Variants in CACUL1 observed in about 807,000 individuals in gnomAD.
CACUL1 encodes CDK2-associated and cullin domain-containing protein 1.
CACUL1 carries 13 observed loss-of-function variants against 45.2 expected under a neutral mutation model. The observed-to-expected ratio is 0.29, with a 90% confidence interval of 0.19 to 0.46. CACUL1 has a LOEUF of 0.46. Among genes scored for constraint, CACUL1 ranks in the 20% least tolerant of loss-of-function variants. The probability of loss-of-function intolerance (pLI) is 1.00; values close to 1 mark genes in which losing one functional copy is unlikely to be tolerated. For synonymous variants in CACUL1, 197 were observed against 174.2 expected (o/e 1.13, Z -1.03); for missense variants, 421 against 471.4 (o/e 0.89, Z 0.99).
At chr10:118,696,615 C>G (rs991735844) in intron 5 of CACUL1, among the ~76,000 whole-genome samples, 2 of 152,188 alleles carry the variant, frequency 1.3e-5, no homozygotes, top group African/African-American at 4.8e-5. Flanking sequence ...TGCACTCCAG[C>G]TTGGGTAACA....
intron 3 of CACUL1, among the ~76,000 whole-genome samples, chr10:118,716,176 A>T (rs1845542409): frequency 6.6e-6 from 1 of 151,810 alleles, no homozygotes; most frequent in Non-Finnish European, 1.5e-5. Context: ...AGCTTGCAGT[A>T]AGCCAAGATT....
In CACUL1 at chr10:118,678,383, C is replaced by CT. The variant is rs1411693003; in HGVS notation, c.*7744dup. ...CCAAAGTCATTGTTTTAATCACTACCTTTGGCAGTAAGTGTTAGAATCTTG... is the reference window on the plus strand; with the variant it reads ...CCAAAGTCATTGTTTTAATCACTACCTTTTGGCAGTAAGTGTTAGAATCTTG... On this transcript the variant is annotated 3_prime_UTR_variant, in exon 9 of 9. Transcript: ENST00000369151. 1 of 152,166 alleles carries CT rather than the reference C, an allele frequency of 6.6e-6. No homozygotes were observed. The allele number at this position is 152,166 out of a possible 1,614,324, so 9.4% of individuals were successfully genotyped here. A position where few individuals can be genotyped will look rare whatever the true frequency, so the allele number is the denominator to read the frequency against.
At chr10:118,722,511 CACACTGTTG>C (rs1176984302) in intron 3 of CACUL1, among the ~76,000 whole-genome samples, 4 of 152,168 alleles carry the variant, frequency 2.6e-5, no homozygotes, top group Admixed American at 6.5e-5. Flanking sequence ...CCAGCATATG[CACACTGTTG>C]ACACTATCCA....
Position 118,684,610 on chromosome 10 carries a change from T to C in CACUL1, c.*1518A>G, listed in dbSNP as rs1165058447. On this transcript the variant is annotated 3_prime_UTR_variant, in exon 9 of 9. Coordinates refer to ENST00000369151, the MANE Select transcript of CACUL1 (RefSeq NM_153810.5). ...ATCTTTACTTCTCTGTATAACAGTT[T>C]TACAAATCAAGGACTTCAATTATTG... is the stretch of plus-strand genomic sequence containing the variant. 2.0e-5 allele frequency: 3 copies of C among 152,214 alleles called. No individual in the cohort carries two copies. Among genetic ancestry groups the C allele is most frequent in the African/African-American group, 7.2e-5 (3 of 41,456 alleles). The allele number at this position is 152,214 out of a possible 1,614,324, so 9.4% of individuals were successfully genotyped here. A position where few individuals can be genotyped will look rare whatever the true frequency, so the allele number is the denominator to read the frequency against.
chr10:118,725,048 C>CA (rs1845639129), intron 3 of CACUL1, among the ~76,000 whole-genome samples: 1 of 152,082 alleles, frequency 6.6e-6, no homozygotes, highest in Admixed American at 6.5e-5. Context: ...ATTGGTAAAC[C>CA]AATTTACTCT....
chr10:118,700,806 C>T (rs1408028728), intron 5 of CACUL1, among the ~76,000 whole-genome samples: 1 of 151,150 alleles, frequency 6.6e-6, no homozygotes, highest in East Asian at 1.9e-4. Context: ...AAATATTTTA[C>T]AAATCCTAAT....
At chr10:118,742,493 A>G (rs1466630072) in intron 1 of CACUL1, among the ~76,000 whole-genome samples, 1 of 152,198 alleles carries the variant, frequency 6.6e-6, no homozygotes, top group Non-Finnish European at 1.5e-5. Flanking sequence ...AACATTTTAT[A>G]TGATGCAGGT....
At chr10:118,687,906 T>C (rs992453580) in intron 7 of CACUL1, among the ~76,000 whole-genome samples, 3 of 152,262 alleles carry the variant, frequency 2.0e-5, no homozygotes, top group African/African-American at 7.2e-5. Context: ...GAACTTGGCC[T>C]GTGTTGTTCA....
intron 6 of CACUL1, chr10:118,693,139 C>A (rs1310991876): frequency 6.6e-6 from 1 of 152,204 alleles, no homozygotes; most frequent in African/African-American, 2.4e-5. Context: ...AATGGTAAGT[C>A]ATGAGAATCT....
intron 1 of CACUL1, among the ~76,000 whole-genome samples, chr10:118,741,269 A>G (rs1048826163): frequency 4.6e-5 from 7 of 152,216 alleles, no homozygotes; most frequent in African/African-American, 1.7e-4. Flanking sequence ...TTAAGTACGA[A>G]GAGTTTGGCG....
At chr10:118,708,147 CA>C (rs34008762) in intron 3 of CACUL1, among the ~76,000 whole-genome samples, 5,165 of 103,900 alleles carry the variant, frequency 0.05, 100 homozygotes, top group African/African-American at 0.084. Flanking sequence ...AACACTGTCT[CA>C]AAAAAAAAAA....
Position 118,676,486 on chromosome 10 carries a change from A to G in CACUL1, c.*9642T>C, listed in dbSNP as rs1034579996. 3 of 152,252 alleles carry G rather than the reference A, an allele frequency of 2.0e-5. No individual in the cohort carries two copies. The highest frequency in any genetic ancestry group is 7.2e-5 in the African/African-American group (3 of 41,472). 9.4% of individuals were successfully genotyped at this position (152,252 alleles called of 1,614,324 possible). Reference sequence around the variant, plus strand: ...TTGCAAAATTGGTGGATGGAACTCAAAAATATTTTCAGTAAGCACAGCCAT... The same window carrying G: ...TTGCAAAATTGGTGGATGGAACTCAGAAATATTTTCAGTAAGCACAGCCAT... On this transcript the variant is annotated 3_prime_UTR_variant, in exon 9 of 9. Coordinates refer to ENST00000369151, the MANE Select transcript of CACUL1 (RefSeq NM_153810.5).
chr10:118,723,974 C>T (rs1845626652), intron 3 of CACUL1, among the ~76,000 whole-genome samples: 1 of 152,086 alleles, frequency 6.6e-6, no homozygotes, highest in South Asian at 2.1e-4. Flanking sequence ...ACCATCTTGG[C>T]CAGGCTGGTC....
chr10:118,712,572 A>G (rs528790575), intron 3 of CACUL1, among the ~76,000 whole-genome samples: 1 of 152,332 alleles, frequency 6.6e-6, no homozygotes, highest in East Asian at 1.9e-4. Context: ...AGCAAGACAA[A>G]GAGGAGCTTC....
intron 5 of CACUL1, 57 bp from the exon 6 acceptor site, chr10:118,695,287 T>C (rs973092635): frequency 1.9e-5 from 18 of 954,304 alleles, no homozygotes; most frequent in East Asian, 4.8e-5. Flanking sequence ...TCAAGATTTC[T>C]CTATTACTGT....
rs565262320 is a variant in CACUL1, at chr10:118,691,488, T to C, written c.887-85A>G. The stretch of plus-strand genomic sequence containing the variant: ...AAAGGGAAAGTTTTCTTTTAAAATA[T>C]ATAGTAAGCCAAATTTAAGCAGGGG... On this transcript the variant is annotated intron_variant, in intron 6 of 8. Coordinates refer to ENST00000369151, the MANE Select transcript of CACUL1 (RefSeq NM_153810.5). 3.4e-5 allele frequency: 43 copies of C among 1,246,842 alleles called. 1 individual carries two copies. Among genetic ancestry groups the C allele is most frequent in the Non-Finnish European group, 4.7e-5 (41 of 878,572 alleles). 77.2% of individuals were successfully genotyped at this position (1,246,842 alleles called of 1,614,324 possible). A position where few individuals can be genotyped will look rare whatever the true frequency, so the allele number is the denominator to read the frequency against.
intron 3 of CACUL1, among the ~76,000 whole-genome samples, chr10:118,724,343 C>T (rs1466299106): frequency 2.0e-5 from 3 of 152,138 alleles, no homozygotes; most frequent in Admixed American, 6.6e-5. Context: ...TAGATCCTGG[C>T]CCTATAATTC....
In CACUL1 at chr10:118,692,489, C is replaced by T. The variant is rs556393325; in HGVS notation, c.887-1086G>A. 16 of 152,178 alleles carry T rather than the reference C, an allele frequency of 1.1e-4. No individual in the cohort carries two copies. In the South Asian group the frequency reaches 3.3e-3, roughly 32 times the overall value. The allele number at this position is 152,178 out of a possible 1,614,324, so 9.4% of individuals were successfully genotyped here. On this transcript the variant is annotated intron_variant, in intron 6 of 8. Coordinates refer to ENST00000369151, the MANE Select transcript of CACUL1 (RefSeq NM_153810.5). ...CTGTTAATATTTAAAAAAATTCAAG[C>T]TAAAATAAATATACTCTCTCCTTTT...
At chr10:118,689,448 T>C (rs1845240509) in intron 7 of CACUL1, among the ~76,000 whole-genome samples, 1 of 152,244 alleles carries the variant, frequency 6.6e-6, no homozygotes, top group African/African-American at 2.4e-5. Flanking sequence ...TGTAAAAACA[T>C]TTTATCATCC....
Sources: allele counts gnomAD v4.1 joint callset (sites outside exome capture counted in the v4.1 genomes callset), GRCh38; gene constraint gnomAD v4.1.1; transcripts MANE v1.5; gene names NCBI Gene and HGNC (gene_info 2026-07-23, HGNC 2026-07-21).